SMAD2: variants seen among roughly 807,000 people sequenced by gnomAD.
The protein encoded by SMAD2 is SMAD family member 2, also known as MAD homolog 2.
A neutral mutation model predicts 64.4 loss-of-function variants in SMAD2; 8 were observed. The ratio of observed to expected loss-of-function variants is 0.12; its 90% CI spans 0.07 to 0.22. The LOEUF (loss-of-function observed/expected upper bound fraction) is 0.22, where lower values mean the gene tolerates loss of function less well. Among genes scored for constraint, SMAD2 ranks in the 10% least tolerant of loss-of-function variants. SMAD2 has a pLI of 1.00. For missense variants in SMAD2, 289 were observed against 561.2 expected, an observed-to-expected ratio of 0.51 and a Z score of 4.90; for synonymous variants, 203 against 195.8, an observed-to-expected ratio of 1.04 and a Z score of -0.31.
chr18:47,866,316 C>CAAAAAAAAAAAAAAAAAAAAAAAA (rs34302955), intron 5 of SMAD2, among the ~76,000 whole-genome samples: 1 of 42,100 alleles, frequency 2.4e-5, no homozygotes, highest in African/African-American at 1.0e-4. Context: ...AACACCGTCT[C>CAAAAAAAAAAAAAAAAAAAAAAAA]AAAAAAAAAA....
chr18:47,876,479 T>C (rs572822416), intron 2 of SMAD2, among the ~76,000 whole-genome samples: 1 of 152,150 alleles, frequency 6.6e-6, no homozygotes, highest in Non-Finnish European at 1.5e-5. Context: ...TAAAGACAGA[T>C]TATCCCCCAT....
At chr18:47,870,901 TTCA>T (rs1262894073) in intron 2 of SMAD2, among the ~76,000 whole-genome samples, 1 of 152,190 alleles carries the variant, frequency 6.6e-6, no homozygotes, top group Non-Finnish European at 1.5e-5. Context: ...TACTAAGTGC[TTCA>T]TTTTATAATC....
intron 2 of SMAD2, among the ~76,000 whole-genome samples, chr18:47,872,005 A>T (rs1390236783): frequency 6.6e-6 from 1 of 152,224 alleles, no homozygotes; most frequent in Non-Finnish European, 1.5e-5. Context: ...TGGGACTCAC[A>T]TGAGAACCAG....
chr18:47,864,178 A>G lies in SMAD2; in HGVS notation c.730+881T>C, dbSNP rs74469554. ...GTATAACACGTTATTTCCAACGTTC[A>G]TTAGATTATCTACCTTTCTTAGTTA... is the stretch of plus-strand genomic sequence containing the variant. On this transcript the variant is annotated intron_variant, in intron 6 of 10. Coordinates refer to ENST00000262160, the MANE Select transcript of SMAD2 (RefSeq NM_005901.6). 4.3e-4 allele frequency among the ~76,000 whole-genome samples: 66 copies of G among 152,338 alleles called. 3 individuals are homozygous for G. In the East Asian group the frequency reaches 0.011, roughly 25 times the overall value.
rs1912144859 is a variant in SMAD2, at chr18:47,809,824, C to A, written c.*32003G>T. On this transcript the variant is annotated 3_prime_UTR_variant, in exon 11 of 11. Transcript: ENST00000262160. ...CTTGGGTGGAGATTTCTTTTTAATT[C>A]TCCAACCAAAAAGAACTACTCATTT... 1 of 152,174 alleles carries A rather than the reference C, an allele frequency of 6.6e-6. No homozygotes were observed. Among genetic ancestry groups the A allele is most frequent in the Admixed American group, 6.5e-5 (1 of 15,282 alleles). 9.4% of individuals were successfully genotyped at this position (152,174 alleles called of 1,614,324 possible). A position where few individuals can be genotyped will look rare whatever the true frequency, so the allele number is the denominator to read the frequency against.
At position 47,816,527 on chromosome 18, in the gene SMAD2, C is replaced by T. The variant is rs928301580; in HGVS notation, c.*25300G>A. ...ATATATTTTCTATGTACTGTGAAAGCTTTTGGGAAAATAAAGCAGCTTGTG... is the reference window on the plus strand; with the variant it reads ...ATATATTTTCTATGTACTGTGAAAGTTTTTGGGAAAATAAAGCAGCTTGTG... On this transcript the variant is annotated 3_prime_UTR_variant, in exon 11 of 11. Transcript: ENST00000262160. The T allele has an allele frequency of 3.9e-5, 6 of 152,268 alleles. No homozygotes were observed. The highest frequency in any genetic ancestry group is 1.2e-4 in the African/African-American group (5 of 41,570). The allele number at this position is 152,268 out of a possible 1,614,324, so 9.4% of individuals were successfully genotyped here.
intron 6 of SMAD2, among the ~76,000 whole-genome samples, chr18:47,860,874 G>T (rs1314229556): frequency 1.3e-5 from 2 of 151,980 alleles, no homozygotes; most frequent in Non-Finnish European, 2.9e-5. Flanking sequence ...AAAGGAAAAA[G>T]AACTTCCTCA....
At chr18:47,858,536 A>C (rs2030910719) in intron 6 of SMAD2, among the ~76,000 whole-genome samples, 1 of 152,218 alleles carries the variant, frequency 6.6e-6, no homozygotes, top group African/African-American at 2.4e-5. Context: ...TCCTTTAAAA[A>C]TCAACTTGAT....
chr18:47,846,712 C>T (rs930961943), intron 8 of SMAD2, among the ~76,000 whole-genome samples: 2 of 152,090 alleles, frequency 1.3e-5, no homozygotes, highest in Non-Finnish European at 2.9e-5. Context: ...AGAAGAGGAC[C>T]TCAAGCTCCA....
intron 5 of SMAD2, among the ~76,000 whole-genome samples, chr18:47,866,073 T>C (rs558823322): frequency 3.3e-5 from 5 of 151,970 alleles, no homozygotes; most frequent in Non-Finnish European, 7.4e-5. Flanking sequence ...TCCCAGCACT[T>C]TGGGAGGCCG....
At chr18:47,893,767 T>C (rs182904542) in intron 2 of SMAD2, among the ~76,000 whole-genome samples, 4 of 152,314 alleles carry the variant, frequency 2.6e-5, no homozygotes, top group African/African-American at 7.2e-5. Context: ...TTATAAAATA[T>C]ATGGCACTAA....
rs2029969993 is a variant in SMAD2, at chr18:47,850,849, T to TTATATATATTATGTATATTATATATTA, written c.784+424_784+425insTAATATATAATATACATAATATATATA. 8.6e-4 allele frequency among the ~76,000 whole-genome samples: 11 copies of TTATATATATTATGTATATTATATATTA among 12,808 alleles called. 2 individuals are homozygous for TTATATATATTATGTATATTATATATTA. Among genetic ancestry groups the TTATATATATTATGTATATTATATATTA allele is most frequent in the African/African-American group, 1.7e-3 (11 of 6,350 alleles). 8.4% of individuals were successfully genotyped at this position (12,808 alleles called of 152,430 possible). On this transcript the variant is annotated intron_variant, in intron 7 of 10. Coordinates refer to ENST00000262160, the MANE Select transcript of SMAD2 (RefSeq NM_005901.6). ...TTATATATATTATGTATATTATATA[T>TTATATATATTATGTATATTATATATTA]TATATATATTATATATATTATGTAT...
At chr18:47,905,804 C>T (rs951742000) in intron 1 of SMAD2, among the ~76,000 whole-genome samples, 12 of 152,072 alleles carry the variant, frequency 7.9e-5, no homozygotes, top group Non-Finnish European at 1.5e-4. Flanking sequence ...ACATAAAAAG[C>T]ATTAACCACA....
chr18:47,920,878 G>A (rs1367405392), intron 1 of SMAD2, among the ~76,000 whole-genome samples: 1 of 152,236 alleles, frequency 6.6e-6, no homozygotes, highest in Non-Finnish European at 1.5e-5. Context: ...CACCCGGCCA[G>A]GCACAGTGGC....
At chr18:47,899,783 C>A (rs553844056) in intron 1 of SMAD2, among the ~76,000 whole-genome samples, 3 of 152,316 alleles carry the variant, frequency 2.0e-5, no homozygotes, top group East Asian at 1.9e-4. Flanking sequence ...GTCTTTCAGT[C>A]ACCACCTTCT....
At chr18:47,860,203 AC>A (rs1240752603) in intron 6 of SMAD2, among the ~76,000 whole-genome samples, 1 of 152,228 alleles carries the variant, frequency 6.6e-6, no homozygotes. Context: ...TCAAACACAT[AC>A]ACAAAATTAA....
At chr18:47,907,199 G>T (rs1051798854) in intron 1 of SMAD2, among the ~76,000 whole-genome samples, 1 of 152,102 alleles carries the variant, frequency 6.6e-6, no homozygotes, top group Non-Finnish European at 1.5e-5. Flanking sequence ...AAATAAATAC[G>T]TATGTCCACA....
intron 2 of SMAD2, among the ~76,000 whole-genome samples, chr18:47,876,055 T>A (rs1014114348): frequency 1.4e-4 from 21 of 152,090 alleles, no homozygotes; most frequent in African/African-American, 4.8e-4. Flanking sequence ...AACATCAAGC[T>A]GTTTACAAAG....
intron 10 of SMAD2, among the ~76,000 whole-genome samples, chr18:47,844,199 T>C (rs1305455857): frequency 1.3e-5 from 2 of 152,140 alleles, no homozygotes; most frequent in South Asian, 2.1e-4. Context: ...TACAAATATA[T>C]ACCATATATT....
Sources: gnomAD v4.1 joint callset for allele counts (sites outside exome capture counted in the v4.1 genomes callset) on GRCh38, gnomAD v4.1.1 for gene constraint, MANE v1.5 for transcripts, NCBI Gene and HGNC (gene_info 2026-07-23, HGNC 2026-07-21) for gene names.